HAUS8: variants seen among roughly 807,000 people sequenced by gnomAD.
HAUS8 encodes the protein HAUS augmin like complex subunit 8, also known as HAUS augmin-like complex subunit 8.
Under a neutral mutation model 42.9 loss-of-function variants are expected in HAUS8, and 38 were observed. The observed-to-expected ratio is 0.89, with a 90% CI of 0.68 to 1.16. The LOEUF (loss-of-function observed/expected upper bound fraction) is 1.16. HAUS8 is among the 50% of genes most tolerant of loss of function. The probability of loss-of-function intolerance (pLI) is 0.00; values close to 1 mark genes in which losing one functional copy is unlikely to be tolerated. For synonymous variants in HAUS8, 199 were observed against 205.8 expected (o/e 0.97, Z 0.28); for missense variants, 494 against 511.6 (o/e 0.97, Z 0.33).
intron 6 of HAUS8, 110 bp from the exon 7 acceptor site, chr19:17,058,986 G>A (rs902171913): frequency 2.4e-6 from 2 of 847,934 alleles, no homozygotes; most frequent in East Asian, 2.6e-5. Flanking sequence ...TATTCAGTTT[G>A]ATATTCGGTA....
intron 2 of HAUS8, among the ~76,000 whole-genome samples, chr19:17,071,085 G>A (rs536150606): frequency 8.3e-5 from 11 of 132,540 alleles, no homozygotes; most frequent in South Asian, 2.4e-4. Context: ...AAAAAAAAAC[G>A]GTTCTGCATT....
intron 8 of HAUS8, among the ~76,000 whole-genome samples, chr19:17,057,670 G>C (rs1222833961): frequency 6.6e-6 from 1 of 152,152 alleles, no homozygotes; most frequent in East Asian, 1.9e-4. Flanking sequence ...CCAGGGTCTA[G>C]CTGCACGGGT....
In HAUS8 at chr19:17,075,171, C is replaced by T. The variant is rs923917524; in HGVS notation, c.29+223G>A. 1.3e-4 allele frequency: 74 copies of T among 550,212 alleles called. 1 individual carries two copies. Among genetic ancestry groups the T allele is most frequent in the Admixed American group, 2.2e-4 (7 of 32,254 alleles). 34.1% of individuals were successfully genotyped at this position (550,212 alleles called of 1,614,324 possible). A position where few individuals can be genotyped will look rare whatever the true frequency, so the allele number is the denominator to read the frequency against. On this transcript the variant is annotated intron_variant, in intron 1 of 10. Transcript: ENST00000253669. ...CGGTCAGGCCGCTTGCCGGAGGTCGCCCAGCGTCCCAGCCGAGGACGCGGA... is the reference window on the plus strand; with the variant it reads ...CGGTCAGGCCGCTTGCCGGAGGTCGTCCAGCGTCCCAGCCGAGGACGCGGA...
At chr19:17,059,754 C>A in intron 5 of HAUS8, 103 bp from the exon 6 acceptor site, 1 of 785,960 alleles carries the variant, frequency 1.3e-6, no homozygotes, top group Non-Finnish European at 2.1e-6. Context: ...GTAACCCCAT[C>A]ATAAATTGAG....
intron 3 of HAUS8, 69 bp downstream of exon 3, chr19:17,068,962 G>A: frequency 2.1e-6 from 3 of 1,434,090 alleles, no homozygotes; most frequent in Non-Finnish European, 2.9e-6. Context: ...CCCATGACTA[G>A]TTTCGGAATT....
At chr19:17,059,489 T>C (rs1334675409) in intron 6 of HAUS8, 68 bp downstream of exon 6, 21 of 1,127,604 alleles carry the variant, frequency 1.9e-5, no homozygotes, top group Non-Finnish European at 2.5e-5. Context: ...CAGCATCTGG[T>C]TCAGAGTGGA....
chr19:17,061,607 T>C (rs1412715933), intron 4 of HAUS8, among the ~76,000 whole-genome samples: 2 of 152,218 alleles, frequency 1.3e-5, no homozygotes, highest in African/African-American at 2.4e-5. Flanking sequence ...TTCTTAGCCA[T>C]GGCATTGCGA....
chr19:17,058,894 A>AC lies in HAUS8; in HGVS notation c.421-19dup. 6.3e-7 allele frequency: 1 copy of AC among 1,599,550 alleles called. No homozygotes were observed. The highest frequency in any genetic ancestry group is 1.1e-5 in the South Asian group (1 of 89,880). ...GATAAATCCTTAAGAAAAGAAAAAG[A>AC]CCCTCTCAATTCCTGATGAAGTGGT... On this transcript the variant is annotated intron_variant, in intron 6 of 10. Coordinates refer to ENST00000253669, the MANE Select transcript of HAUS8 (RefSeq NM_033417.2).
intron 2 of HAUS8, among the ~76,000 whole-genome samples, chr19:17,071,572 GC>G (rs1409998472): frequency 6.6e-6 from 1 of 152,184 alleles, no homozygotes; most frequent in Non-Finnish European, 1.5e-5. Flanking sequence ...AGACCATCCA[GC>G]CCGGGTCTTT....
At chr19:17,062,552 C>T in intron 4 of HAUS8, 146 bp downstream of exon 4, 1 of 646,938 alleles carries the variant, frequency 1.5e-6, no homozygotes. Context: ...CCCACATCCC[C>T]CCAGTCTGTC....
rs1037489896 is a variant in HAUS8, at chr19:17,075,267, G to A, written c.29+127C>T. 14 of 1,031,228 alleles carry A rather than the reference G, an allele frequency of 1.4e-5. 1 individual carries two copies. Among genetic ancestry groups the A allele is most frequent in the South Asian group, 3.8e-5 (3 of 78,574 alleles). 63.9% of individuals were successfully genotyped at this position (1,031,228 alleles called of 1,614,324 possible). A position where few individuals can be genotyped will look rare whatever the true frequency, so the allele number is the denominator to read the frequency against. On this transcript the variant is annotated intron_variant, in intron 1 of 10. Transcript: ENST00000253669. ...CAGCACGCCATCGGGGTCTTCAGGGGCCCGCGCAGTTCCTGGCGGGGTCGA... is the reference window on the plus strand; with the variant it reads ...CAGCACGCCATCGGGGTCTTCAGGGACCCGCGCAGTTCCTGGCGGGGTCGA...
At chr19:17,054,732 T>G (rs1225692390) in intron 9 of HAUS8, among the ~76,000 whole-genome samples, 1 of 150,578 alleles carries the variant, frequency 6.6e-6, no homozygotes, top group African/African-American at 2.4e-5. Flanking sequence ...ACCCAGGAGG[T>G]GGAGGTTGCA....
chr19:17,056,874 A>G (rs1225316287), intron 8 of HAUS8, among the ~76,000 whole-genome samples: 1 of 151,928 alleles, frequency 6.6e-6, no homozygotes, highest in African/African-American at 2.4e-5. Flanking sequence ...CACAGGCGTG[A>G]GCCACTGCAC....
intron 5 of HAUS8, among the ~76,000 whole-genome samples, 165 bp downstream of exon 5, chr19:17,059,832 A>T (rs549637140): frequency 1.5e-4 from 23 of 152,330 alleles, no homozygotes; most frequent in Admixed American, 9.8e-4. Context: ...GGCAAGTTTA[A>T]TACCCTTTAC....
intron 9 of HAUS8, 129 bp from the exon 10 acceptor site, chr19:17,053,095 G>C: frequency 9.3e-7 from 1 of 1,069,860 alleles, no homozygotes; most frequent in Admixed American, 2.2e-5. Flanking sequence ...AGAGCGCACA[G>C]GGAAGAAGCA....
At chr19:17,065,523 T>C (rs1056261052) in intron 3 of HAUS8, among the ~76,000 whole-genome samples, 1 of 152,126 alleles carries the variant, frequency 6.6e-6, no homozygotes, top group African/African-American at 2.4e-5. Flanking sequence ...GCCTAAGTCA[T>C]GAAGACTCTA....
intron 4 of HAUS8, chr19:17,060,331 C>T (rs138988254): frequency 3.3e-5 from 15 of 447,990 alleles, no homozygotes; most frequent in East Asian, 3.2e-4. Context: ...ACCAAAGAGA[C>T]GCAAATAGGC....
chr19:17,050,823 G>A (rs556694690), intron 10 of HAUS8, among the ~76,000 whole-genome samples: 9 of 152,052 alleles, frequency 5.9e-5, no homozygotes, highest in Non-Finnish European at 1.0e-4. Flanking sequence ...TTGAACCCAG[G>A]AGACAGGGTC....
intron 8 of HAUS8, among the ~76,000 whole-genome samples, chr19:17,056,548 TACACAC>T (rs143197170): frequency 6.6e-6 from 1 of 150,792 alleles, no homozygotes; most frequent in Non-Finnish European, 1.5e-5. Context: ...CACACACACA[TACACAC>T]ACACACAGAC....
Sources: gnomAD v4.1 joint callset for allele counts (sites outside exome capture counted in the v4.1 genomes callset) on GRCh38, gnomAD v4.1.1 for gene constraint, MANE v1.5 for transcripts, NCBI Gene and HGNC (gene_info 2026-07-23, HGNC 2026-07-21) for gene names.